The following GAS6 variants were observed in gnomAD, a reference collection of about 807,000 sequenced individuals.
GAS6 encodes the protein growth arrest specific 6, also known as growth arrest-specific protein 6.
Under a neutral mutation model 75.8 loss-of-function variants are expected in GAS6, and 41 were observed. The ratio of observed to expected loss-of-function variants is 0.54; its 90% CI spans 0.42 to 0.70. The LOEUF is 0.70. Ranked by LOEUF, GAS6 falls within the 30% of genes least tolerant of loss-of-function variation. The probability of loss-of-function intolerance (pLI) is 0.00; values close to 1 mark genes in which losing one functional copy is unlikely to be tolerated. For synonymous variants in GAS6, 432 were observed against 412.6 expected (o/e 1.05, Z -0.57); for missense variants, 854 against 940.2 (o/e 0.91, Z 1.20).
chr13:113,834,866 G>C, intron 7 of GAS6, 194 bp from the exon 8 acceptor site: 1 of 481,754 alleles, frequency 2.1e-6, no homozygotes, highest in Non-Finnish European at 3.4e-6. Context: ...GCTCCTGCCC[G>C]GGCTCTTTCT....
intron 4 of GAS6, 56 bp downstream of exon 4, chr13:113,846,471 C>G (rs2051834616): frequency 1.3e-6 from 2 of 1,515,494 alleles, no homozygotes; most frequent in African/African-American, 2.7e-5. Flanking sequence ...ACAGCCAAGC[C>G]TAAAGCCGCC....
At chr13:113,853,528 T>TA (rs1392710959) in intron 2 of GAS6, among the ~76,000 whole-genome samples, 1 of 152,246 alleles carries the variant, frequency 6.6e-6, no homozygotes, top group East Asian at 1.9e-4. Context: ...GCTAAGAATG[T>TA]ATTACTCTCT....
At chr13:113,857,614 A>G (rs945098664) in intron 2 of GAS6, among the ~76,000 whole-genome samples, 3 of 152,238 alleles carry the variant, frequency 2.0e-5, no homozygotes, top group African/African-American at 7.2e-5. Flanking sequence ...GTAAAGCCAT[A>G]ACCTGGGAAG....
intron 7 of GAS6, among the ~76,000 whole-genome samples, chr13:113,835,120 G>C (rs916071243): frequency 2.0e-5 from 3 of 152,234 alleles, no homozygotes; most frequent in African/African-American, 7.2e-5. Context: ...CATCACTGGG[G>C]GCACGGCCCC....
At chr13:113,838,803 C>T (rs1171255848) in intron 5 of GAS6, among the ~76,000 whole-genome samples, 1 of 150,292 alleles carries the variant, frequency 6.7e-6, no homozygotes, top group East Asian at 2.0e-4. Flanking sequence ...ACAGCCCAGC[C>T]CTGGAGCAGG....
chr13:113,838,327 CAGAG>C, intron 5 of GAS6, 136 bp from the exon 6 acceptor site: 2 of 1,050,756 alleles, frequency 1.9e-6, no homozygotes, highest in East Asian at 2.4e-5. Context: ...AGCCCTGGAG[CAGAG>C]AGAGATCCCA....
At chr13:113,834,795 A>C in intron 7 of GAS6, 123 bp from the exon 8 acceptor site, 4 of 1,136,952 alleles carry the variant, frequency 3.5e-6, no homozygotes, top group Non-Finnish European at 4.6e-6. Context: ...GCAGATTCTA[A>C]CGGGGGCGGC....
At chr13:113,834,759 C>T (rs544577544) in intron 7 of GAS6, 87 bp from the exon 8 acceptor site, 27 of 1,291,322 alleles carry the variant, frequency 2.1e-5, no homozygotes, top group South Asian at 5.5e-5. Flanking sequence ...TCAAACCACA[C>T]GCAAGGTGCG....
At position 113,828,657 on chromosome 13, in the gene GAS6, C is replaced by T; in HGVS notation, c.1198G>A (p.Val400Ile). The part of the protein sequence containing the change: ...NLVIKVNRDA[V>I]MKIAVAGDLF... Reference sequence around the variant, plus strand: ...TCCCCGGCCACCGCGATTTTCATGACAGCATCCCTGTTGACCTTGATGACC... The same window carrying T: ...TCCCCGGCCACCGCGATTTTCATGATAGCATCCCTGTTGACCTTGATGACC... The change falls in exon 11 of 15, where the codon GTC becomes ATC. Residue 400 changes from valine to isoleucine, a missense_variant. Val to Ile is a conservative substitution (Grantham distance 29). Coordinates refer to ENST00000327773, the MANE Select transcript of GAS6 (RefSeq NM_000820.4). The T allele has an allele frequency of 6.2e-7, 1 of 1,613,622 alleles. No individual in the cohort carries two copies. The highest frequency in any genetic ancestry group is 8.5e-7 in the Non-Finnish European group (1 of 1,180,008).
At chr13:113,834,289 C>T (rs1393608032) in intron 8 of GAS6, among the ~76,000 whole-genome samples, 10 of 152,150 alleles carry the variant, frequency 6.6e-5, no homozygotes, top group African/African-American at 1.2e-4. Flanking sequence ...GAGTGGGGAC[C>T]GTGCCCCCGT....
At chr13:113,851,833 T>C (rs999295467) in intron 2 of GAS6, among the ~76,000 whole-genome samples, 5 of 152,240 alleles carry the variant, frequency 3.3e-5, no homozygotes, top group Admixed American at 2.0e-4. Flanking sequence ...TATGGAAGTG[T>C]TTGTGCTGTA....
At chr13:113,851,786 G>A (rs144476023) in intron 2 of GAS6, among the ~76,000 whole-genome samples, 2 of 152,342 alleles carry the variant, frequency 1.3e-5, no homozygotes, top group Non-Finnish European at 2.9e-5. Flanking sequence ...TGGAAGAAAA[G>A]TCAAAATCAA....
intron 2 of GAS6, among the ~76,000 whole-genome samples, chr13:113,853,677 G>T (rs1453829066): frequency 6.6e-6 from 1 of 152,218 alleles, no homozygotes; most frequent in African/African-American, 2.4e-5. Context: ...ATGGTCACAA[G>T]AATTCACTAA....
intron 6 of GAS6, chr13:113,835,889 C>T (rs2051696818): frequency 7.5e-7 from 1 of 1,331,002 alleles, no homozygotes; most frequent in Admixed American, 3.5e-5. Flanking sequence ...TGGGAAGGGC[C>T]CTGCTTGGTG....
chr13:113,859,316 GTA>G (rs2051949400), intron 2 of GAS6, among the ~76,000 whole-genome samples: 1 of 148,310 alleles, frequency 6.7e-6, no homozygotes, highest in Non-Finnish European at 1.5e-5. Context: ...ATGTCTGTTA[GTA>G]TGTGTGTGCA....
intron 8 of GAS6, 58 bp downstream of exon 8, chr13:113,834,493 C>T: frequency 7.0e-7 from 1 of 1,428,590 alleles, no homozygotes; most frequent in Non-Finnish European, 9.2e-7. Flanking sequence ...CGAAAGCCCC[C>T]ACCGGCGAGG....
Position 113,822,030 on chromosome 13 carries a change from G to T in GAS6, c.1810C>A (p.Leu604Met). Reference sequence around the variant, plus strand: ...TCGAGCACGGCCAGCCTCTCCTGCAGCTGCGCGGCGCTCACCTCGCTCTGG... The same window carrying T: ...TCGAGCACGGCCAGCCTCTCCTGCATCTGCGCGGCGCTCACCTCGCTCTGG... Reference protein sequence around the residue: ...RGQSEVSAAQLQERLAVLERH... With the variant: ...RGQSEVSAAQMQERLAVLERH... The change falls in exon 14 of 15, where the codon CTG (leucine) becomes ATG (methionine). Residue 604 changes from leucine (L) to methionine (M), a missense_variant. Coordinates refer to ENST00000327773, the MANE Select transcript of GAS6 (RefSeq NM_000820.4). The T allele has an allele frequency of 6.4e-7, 1 of 1,570,704 alleles. No homozygotes were observed. The highest frequency in any genetic ancestry group is 1.3e-5 in the African/African-American group (1 of 74,470).
Position 113,843,160 on chromosome 13 carries a change from C to G in GAS6, c.344-3310G>C, listed in dbSNP as rs553675543. The G allele has an allele frequency of 5.3e-4, 148 of 280,692 alleles. 13 individuals carry two copies. Among genetic ancestry groups the G allele is most frequent in the African/African-American group, 3.2e-3 (141 of 44,082 alleles). 17.4% of individuals were successfully genotyped at this position (280,692 alleles called of 1,614,324 possible). A position where few individuals can be genotyped will look rare whatever the true frequency, so the allele number is the denominator to read the frequency against. On this transcript the variant is annotated intron_variant, in intron 4 of 14. Transcript: ENST00000327773. ...CCCGAGGGCACCCACTTCCCTGACC[C>G]CGTCCACCTCCCTGACCCCCGCCCA...
At chr13:113,856,483 G>A (rs1486562132) in intron 2 of GAS6, among the ~76,000 whole-genome samples, 1 of 152,118 alleles carries the variant, frequency 6.6e-6, no homozygotes, top group Non-Finnish European at 1.5e-5. Context: ...TGGAGACCCC[G>A]AGAACAGCAC....
Sources: allele counts gnomAD v4.1 joint callset (sites outside exome capture counted in the v4.1 genomes callset), GRCh38; gene constraint gnomAD v4.1.1; transcripts MANE v1.5; gene names NCBI Gene and HGNC (gene_info 2026-07-23, HGNC 2026-07-21).